Variants in TRPM8 observed in about 807,000 individuals in gnomAD.
TRPM8 encodes TRPM8 cationic channel.
Under a neutral mutation model 133.7 loss-of-function variants are expected in TRPM8, and 110 were observed. The observed-to-expected ratio is 0.82, with a 90% CI of 0.70 to 0.96. TRPM8 has a LOEUF of 0.96. Ranked by LOEUF, TRPM8 falls within the 40% of genes least tolerant of loss-of-function variation. The pLI, the probability that TRPM8 is intolerant of heterozygous loss-of-function variation, is 0.00. For synonymous variants in TRPM8, 535 were observed against 532.3 expected, an observed-to-expected ratio of 1.01 and a Z score of -0.07; for missense variants, 1,291 against 1,379.5, an observed-to-expected ratio of 0.94 and a Z score of 1.02.
At chr2:233,921,152 C>T (rs904874422) in intron 1 of TRPM8, among the ~76,000 whole-genome samples, 14 of 152,128 alleles carry the variant, frequency 9.2e-5, no homozygotes, top group East Asian at 3.9e-4. Flanking sequence ...TGAACTACCA[C>T]GCCCGGCCCC....
In TRPM8 at chr2:234,017,320, G is replaced by A. The variant is rs1165257201; in HGVS notation, c.*64G>A. On this transcript the variant is annotated 3_prime_UTR_variant, in exon 26 of 26. Transcript: ENST00000324695. ...ACAGATCATATTAAGGAATGCTGAT[G>A]AACAATTTTGCTATCGACTACTAAA... 8.5e-6 allele frequency: 4 copies of A among 471,102 alleles called. No individual in the cohort carries two copies. Among genetic ancestry groups the A allele is most frequent in the African/African-American group, 8.0e-5 (4 of 50,074 alleles). The allele number at this position is 471,102 out of a possible 1,614,324, so 29.2% of individuals were successfully genotyped here. A position where few individuals can be genotyped will look rare whatever the true frequency, so the allele number is the denominator to read the frequency against.
At position 233,949,886 on chromosome 2, in the gene TRPM8, G is replaced by A; in HGVS notation, c.943-63G>A. On this transcript the variant is annotated intron_variant, in intron 8 of 25. Transcript: ENST00000324695. Reference sequence around the variant, plus strand: ...TCCTCCAGCTTGGCTCAGAACCTTAGTCCAGAGCTGGGTTCTGTGGACCAA... The same window carrying A: ...TCCTCCAGCTTGGCTCAGAACCTTAATCCAGAGCTGGGTTCTGTGGACCAA... 3.3e-6 allele frequency: 5 copies of A among 1,536,452 alleles called. No individual in the cohort carries two copies. In the South Asian group the frequency reaches 3.5e-5, roughly 11 times the overall value.
intron 24 of TRPM8, among the ~76,000 whole-genome samples, chr2:234,010,537 G>GT (rs765340394): frequency 3.0e-4 from 45 of 151,788 alleles, no homozygotes; most frequent in African/African-American, 6.3e-4. Context: ...TTGTATTTTT[G>GT]TTTTTTTTGA....
At chr2:233,976,987 T>G (rs1691887414) in intron 17 of TRPM8, among the ~76,000 whole-genome samples, 1 of 152,098 alleles carries the variant, frequency 6.6e-6, no homozygotes, top group South Asian at 2.1e-4. Context: ...TTTACACTTG[T>G]TAGGGGAAAA....
At chr2:233,935,286 G>T (rs1006458409) in intron 3 of TRPM8, among the ~76,000 whole-genome samples, 1 of 152,198 alleles carries the variant, frequency 6.6e-6, no homozygotes, top group Non-Finnish European at 1.5e-5. Context: ...CTGTGCAGGG[G>T]ATCCTTGCTC....
At chr2:233,926,127 G>A (rs1398418633) in intron 1 of TRPM8, among the ~76,000 whole-genome samples, 2 of 152,174 alleles carry the variant, frequency 1.3e-5, no homozygotes, top group Non-Finnish European at 2.9e-5. Context: ...AGTCTGCTCT[G>A]TAAATTCCCT....
intron 21 of TRPM8, among the ~76,000 whole-genome samples, chr2:233,994,808 T>G (rs935677850): frequency 2.0e-5 from 3 of 152,190 alleles, no homozygotes; most frequent in Admixed American, 6.5e-5. Flanking sequence ...TCCCCAGAAT[T>G]TGGATAATTT....
At chr2:234,004,641 A>G (rs1046769315) in intron 22 of TRPM8, among the ~76,000 whole-genome samples, 11 of 152,366 alleles carry the variant, frequency 7.2e-5, no homozygotes, top group Non-Finnish European at 1.3e-4. Flanking sequence ...TGTATGCTAC[A>G]CAGTAATTGC....
At chr2:233,922,400 G>A (rs1691429999) in intron 1 of TRPM8, among the ~76,000 whole-genome samples, 1 of 152,122 alleles carries the variant, frequency 6.6e-6, no homozygotes, top group African/African-American at 2.4e-5. Flanking sequence ...GGCTGGATAA[G>A]CTCCTCACTT....
chr2:234,014,034 T>G (rs1031459052), intron 24 of TRPM8, among the ~76,000 whole-genome samples: 6 of 152,190 alleles, frequency 3.9e-5, no homozygotes, highest in Admixed American at 6.5e-5. Context: ...TCTTTTGTAA[T>G]AAATTTGTGA....
At chr2:233,978,198 A>AGTGTGTGTGT (rs59259744) in intron 17 of TRPM8, among the ~76,000 whole-genome samples, 3,641 of 146,016 alleles carry the variant, frequency 0.025, 93 homozygotes, top group East Asian at 0.11. Context: ...GGAATATTAT[A>AGTGTGTGTGT]GTGTGTGTGT....
chr2:233,997,077 C>A (rs1488365749), intron 22 of TRPM8, among the ~76,000 whole-genome samples: 1 of 152,120 alleles, frequency 6.6e-6, no homozygotes, highest in Non-Finnish European at 1.5e-5. Context: ...CCAGCCTGGG[C>A]AACACGGTGA....
chr2:233,992,086 T>C (rs767429940), intron 21 of TRPM8, among the ~76,000 whole-genome samples: 4 of 152,198 alleles, frequency 2.6e-5, no homozygotes, highest in Non-Finnish European at 4.4e-5. Flanking sequence ...CAGCCACTTA[T>C]GGTAGGGGGA....
intron 10 of TRPM8, among the ~76,000 whole-genome samples, chr2:233,954,383 A>G (rs1691241775): frequency 6.6e-6 from 1 of 152,240 alleles, no homozygotes; most frequent in Admixed American, 6.5e-5. Context: ...ATTTGTACAC[A>G]TATGCACACA....
In TRPM8 at chr2:234,006,131, A is replaced by G. The variant is rs1311924246; in HGVS notation, c.3131-722A>G. Among the ~76,000 whole-genome samples, 4 of 152,216 alleles carry G rather than the reference A, an allele frequency of 2.6e-5. No homozygotes were observed. In the East Asian group the frequency reaches 7.7e-4, roughly 29 times the overall value. On this transcript the variant is annotated intron_variant, in intron 22 of 25. Transcript: ENST00000324695. Reference sequence around the variant, plus strand: ...GTTAAAAACAACATAATTTTATTCCAAATGGACACCTGTGTGAGCATATGT... The same window carrying G: ...GTTAAAAACAACATAATTTTATTCCGAATGGACACCTGTGTGAGCATATGT...
rs1219957101 is a variant in TRPM8, at chr2:233,969,789, G to A, written c.2120G>A (p.Cys707Tyr). The change falls in exon 16 of 26, where the codon TGT becomes TAT. Residue 707 changes from cysteine to tyrosine, a missense_variant. Cys to Tyr is a radical substitution (Grantham distance 194, BLOSUM62 -2). This residue lies in a region of TRPM8 where 963 missense variants were observed against 968.9 expected (regional missense o/e 0.99). Transcript: ENST00000324695. ...LCLFIIPLVGCGFVSFRKKPV... is the reference protein window; with the variant it reads ...LCLFIIPLVGYGFVSFRKKPV... ...CTGTTTATTATACCCTTGGTGGGCT[G>A]TGGCTTTGTATCATTTAGGTACAAA... 6.2e-7 allele frequency: 1 copy of A among 1,612,542 alleles called. No homozygotes were observed. The highest frequency in any genetic ancestry group is 8.5e-7 in the Non-Finnish European group (1 of 1,178,554).
At chr2:233,985,439 C>T (rs751329600) in intron 20 of TRPM8, among the ~76,000 whole-genome samples, 19 of 152,278 alleles carry the variant, frequency 1.2e-4, no homozygotes, top group Non-Finnish European at 1.9e-4. Flanking sequence ...GGGCAAAGAA[C>T]ATGTTCACTT....
intron 19 of TRPM8, among the ~76,000 whole-genome samples, chr2:233,982,197 T>G (rs1258032115): frequency 6.6e-6 from 1 of 152,208 alleles, no homozygotes; most frequent in East Asian, 1.9e-4. Context: ...CTTGACAGTT[T>G]GCTAAGAGTG....
At chr2:233,967,418 G>A (rs921373339) in intron 15 of TRPM8, among the ~76,000 whole-genome samples, 9 of 152,202 alleles carry the variant, frequency 5.9e-5, no homozygotes, top group South Asian at 4.1e-4. Flanking sequence ...AGAGACCAAC[G>A]CTTGTCAGCC....
Sources: allele counts gnomAD v4.1 joint callset (sites outside exome capture counted in the v4.1 genomes callset), GRCh38; gene constraint gnomAD v4.1.1; regional missense constraint gnomAD v4.1.1; transcripts MANE v1.5; gene names NCBI Gene and HGNC (gene_info 2026-07-23, HGNC 2026-07-21).